LRRC18: variants seen among roughly 807,000 people sequenced by gnomAD.
The protein encoded by LRRC18 is leucine rich repeat containing 18.
Under a neutral mutation model 11.2 loss-of-function variants are expected in LRRC18, and 12 were observed. That is an observed-to-expected ratio of 1.07 (90% CI 0.69 to 1.74). The LOEUF (loss-of-function observed/expected upper bound fraction) is 1.74. Ranked by LOEUF, LRRC18 falls within the 40% of genes most tolerant of loss-of-function variation. The pLI is 0.00. For synonymous variants in LRRC18, 155 were observed against 130.6 expected (o/e 1.19, Z -1.27); for missense variants, 374 against 330.5 (o/e 1.13, Z -1.02).
chr10:48,939,359 G>A, the LRRC18 span, among the ~76,000 whole-genome samples: 1 of 152,210 alleles, frequency 6.6e-6, no homozygotes, highest in South Asian at 2.1e-4. Flanking sequence ...CCACACCCCT[G>A]TGTGACAGGT....
At chr10:48,934,066 A>G in the LRRC18 span, among the ~76,000 whole-genome samples, 4,931 of 152,218 alleles carry the variant, frequency 0.032, 263 homozygotes, top group African/African-American at 0.11. Context: ...CAAACCCAGA[A>G]GGCATGTGAT....
chr10:48,912,533 T>C (rs955041495), intron 1 of LRRC18, among the ~76,000 whole-genome samples: 4 of 152,202 alleles, frequency 2.6e-5, no homozygotes, highest in Non-Finnish European at 1.5e-5. Context: ...ACAGTGGTGC[T>C]CTGCCCCATC....
rs567087500 is a variant in LRRC18 at position 48,912,558 on chromosome 10, C to T, written c.764+834G>A. The stretch of plus-strand genomic sequence containing the variant: ...TCTGCCCCATCTCATTTCAGTTGCT[C>T]TCTCCTCCAGCTTGCACCAGGCAAG... On this transcript the variant is annotated intron_variant, in intron 1 of 1. Coordinates refer to ENST00000374160, the Ensembl canonical transcript of LRRC18. Among the ~76,000 whole-genome samples the T allele has an allele frequency of 2.0e-5, 3 of 152,354 alleles. No individual in the cohort carries two copies. In the South Asian group the frequency reaches 6.2e-4, roughly 32 times the overall value.
At chr10:48,937,705 A>C in the LRRC18 span, among the ~76,000 whole-genome samples, 15 of 152,348 alleles carry the variant, frequency 9.8e-5, no homozygotes, top group East Asian at 2.7e-3. Flanking sequence ...ATGAAAAGCG[A>C]TAGGTAGTTA....
At chr10:48,921,743 A>AT in the LRRC18 span, among the ~76,000 whole-genome samples, 70 of 152,064 alleles carry the variant, frequency 4.6e-4, 7 homozygotes, top group East Asian at 6.0e-3. Context: ...AAACAATACA[A>AT]TTTTTTTTAA....
chr10:48,913,995 T>C, exon 1 of LRRC18: 1 of 1,614,216 alleles, frequency 6.2e-7, no homozygotes, highest in Non-Finnish European at 8.5e-7. Context: ...AAGGTCCAGC[T>C]CGTCCATGTC....
the LRRC18 span, among the ~76,000 whole-genome samples, chr10:48,929,808 C>T: frequency 6.6e-6 from 1 of 152,278 alleles, no homozygotes; most frequent in East Asian, 1.9e-4. Flanking sequence ...GGGCTGACAG[C>T]CTTGGCCTCC....
the LRRC18 span, among the ~76,000 whole-genome samples, chr10:48,937,083 G>C: frequency 5.1e-3 from 771 of 151,986 alleles, 3 homozygotes; most frequent in African/African-American, 0.018. Flanking sequence ...TAGTAGAGAC[G>C]AGGTTTTTCC....
At chr10:48,919,946 A>G in the LRRC18 span, among the ~76,000 whole-genome samples, 1 of 152,206 alleles carries the variant, frequency 6.6e-6, no homozygotes, top group African/African-American at 2.4e-5. Flanking sequence ...TCACACAAAG[A>G]CATATAAGAA....
chr10:48,928,634 G>A, the LRRC18 span, among the ~76,000 whole-genome samples: 1 of 152,142 alleles, frequency 6.6e-6, no homozygotes, highest in Non-Finnish European at 1.5e-5. Context: ...TCATGCTGGG[G>A]CATCTCCTCA....
At chr10:48,920,341 G>A in the LRRC18 span, among the ~76,000 whole-genome samples, 30,021 of 148,242 alleles carry the variant, frequency 0.2, 3,407 homozygotes, top group Non-Finnish European at 0.26. Context: ...ACAGGAAGGG[G>A]AGCATCACAC....
chr10:48,914,154 A>G (rs745502808), exon 1 of LRRC18: 17 of 1,611,080 alleles, frequency 1.1e-5, no homozygotes, highest in Admixed American at 1.0e-4. Flanking sequence ...ACCCTTAACC[A>G]TGTTCTTTTA....
At chr10:48,910,282 T>C in intron 1 of LRRC18, 24 bp from the exon 4 acceptor site, 1 of 1,612,130 alleles carries the variant, frequency 6.2e-7, no homozygotes, top group Non-Finnish European at 8.5e-7. Context: ...CACAAGAAGG[T>C]GAGGCAATTG....
chr10:48,924,038 G>T, the LRRC18 span, among the ~76,000 whole-genome samples: 2 of 152,178 alleles, frequency 1.3e-5, no homozygotes, highest in African/African-American at 4.8e-5. Flanking sequence ...GAACTCCTCC[G>T]TTAAGGAGCC....
the LRRC18 span, among the ~76,000 whole-genome samples, chr10:48,923,771 T>C: frequency 6.6e-6 from 1 of 152,068 alleles, no homozygotes; most frequent in African/African-American, 2.4e-5. Context: ...GCCACCAGAT[T>C]CCCCTGAACA....
the LRRC18 span, among the ~76,000 whole-genome samples, chr10:48,934,044 G>A: frequency 6.6e-6 from 1 of 152,112 alleles, no homozygotes; most frequent in Non-Finnish European, 1.5e-5. Context: ...TCTCTCCCTG[G>A]AGGCTGAGGC....
chr10:48,913,256 G>C, intron 1 of LRRC18, 136 bp downstream of exon 3: 1 of 796,700 alleles, frequency 1.3e-6, no homozygotes, highest in Non-Finnish European at 2.0e-6. Flanking sequence ...AGAAAGTAAG[G>C]AAAGGAGTTT....
chr10:48,912,133 G>T (rs12766824), intron 1 of LRRC18, among the ~76,000 whole-genome samples: 20,119 of 152,214 alleles, frequency 0.13, 1,479 homozygotes, highest in Middle Eastern at 0.22. Context: ...TGGTACACAG[G>T]GAGGCCAGAG....
chr10:48,913,170 T>A (rs7923621), intron 1 of LRRC18, among the ~76,000 whole-genome samples: 43,424 of 151,966 alleles, frequency 0.29, 7,523 homozygotes, highest in East Asian at 0.72. Flanking sequence ...TACTTGTGAG[T>A]GTGTGTGCAG....
Sources: allele counts gnomAD v4.1 joint callset (sites outside exome capture counted in the v4.1 genomes callset), GRCh38; gene constraint gnomAD v4.1.1; transcripts MANE v1.5; gene names NCBI Gene and HGNC (gene_info 2026-07-23, HGNC 2026-07-21).